Variants in TMEM132C observed in about 807,000 individuals in gnomAD.
The protein encoded by TMEM132C is transmembrane protein 132C, also known as protein phosphatase 1, regulatory subunit 152.
Under a neutral mutation model 61.4 loss-of-function variants are expected in TMEM132C, and 29 were observed. That is an observed-to-expected ratio of 0.47 (90% CI 0.35 to 0.64). The LOEUF is 0.64. Among genes scored for constraint, TMEM132C ranks in the 30% least tolerant of loss-of-function variants. TMEM132C has a pLI of 0.00. For missense variants in TMEM132C, 1,408 were observed against 1,476.9 expected, an observed-to-expected ratio of 0.95 and a Z score of 0.76; for synonymous variants, 656 against 633.1, an observed-to-expected ratio of 1.04 and a Z score of -0.54.
intron 1 of TMEM132C, among the ~76,000 whole-genome samples, chr12:128,346,421 G>A (rs1298098134): frequency 2.0e-5 from 3 of 152,112 alleles, no homozygotes; most frequent in Non-Finnish European, 4.4e-5. Flanking sequence ...TTTAAAAATA[G>A]ATTTTTCTAG....
chr12:128,677,566 G>C (rs1954601268), intron 5 of TMEM132C, among the ~76,000 whole-genome samples: 1 of 152,066 alleles, frequency 6.6e-6, no homozygotes, highest in South Asian at 2.1e-4. Context: ...GTACCTGGCT[G>C]TACCTCCTAT....
chr12:128,560,659 T>G (rs939393908), intron 3 of TMEM132C, among the ~76,000 whole-genome samples: 10 of 152,218 alleles, frequency 6.6e-5, no homozygotes, highest in African/African-American at 2.4e-4. Flanking sequence ...AGAATGCAGA[T>G]TTCACCATGG....
intron 1 of TMEM132C, among the ~76,000 whole-genome samples, chr12:128,385,579 T>G (rs945811911): frequency 3.9e-5 from 6 of 152,234 alleles, no homozygotes; most frequent in African/African-American, 1.4e-4. Flanking sequence ...GTGGGCTTTG[T>G]CTGCAGTATG....
At position 128,415,963 on chromosome 12, in the gene TMEM132C, G is replaced by A. The variant is rs1441654125; in HGVS notation, c.974+343G>A. 6.6e-6 allele frequency among the ~76,000 whole-genome samples: 1 copy of A among 152,152 alleles called. No individual in the cohort carries two copies. Among genetic ancestry groups the A allele is most frequent in the African/African-American group, 2.4e-5 (1 of 41,446 alleles). On this transcript the variant is annotated intron_variant, in intron 2 of 8. Coordinates refer to ENST00000435159, the MANE Select transcript of TMEM132C (RefSeq NM_001136103.3). The surrounding 1 kb of genome is among the most constrained non-coding windows in gnomAD (Gnocchi z 5.8). The stretch of plus-strand genomic sequence containing the variant: ...AATCCTTTGATGAGATACCATTTGA[G>A]TTGCTTGATTGAAAGTCTACGTTCA...
At chr12:128,392,078 C>G (rs1593036845) in intron 1 of TMEM132C, among the ~76,000 whole-genome samples, 1 of 151,802 alleles carries the variant, frequency 6.6e-6, no homozygotes, top group Admixed American at 6.6e-5. Flanking sequence ...CTCTCTCTCT[C>G]TCTCTCTCTC....
chr12:128,369,195 G>A (rs1873957445), intron 1 of TMEM132C, among the ~76,000 whole-genome samples: 1 of 152,152 alleles, frequency 6.6e-6, no homozygotes, highest in Non-Finnish European at 1.5e-5. Context: ...TCCAGACACT[G>A]TCTTAAGCAC....
chr12:128,414,615 T>C (rs1868688329), intron 1 of TMEM132C, 117 bp from the exon 2 acceptor site: 4 of 1,138,948 alleles, frequency 3.5e-6, no homozygotes, highest in Non-Finnish European at 4.8e-6. Flanking sequence ...TCTAGCCAAG[T>C]GGGCTTCAGA....
chr12:128,295,638 C>CAAAAAAAAAA (rs59555369), intron 1 of TMEM132C, among the ~76,000 whole-genome samples: 1 of 116,014 alleles, frequency 8.6e-6, no homozygotes, highest in African/African-American at 3.3e-5. Flanking sequence ...TTAAGTCCTT[C>CAAAAAAAAAA]AAAAAAAAAA....
Position 128,678,354 on chromosome 12 carries a change from G to A in TMEM132C, c.1449+8794G>A, listed in dbSNP as rs55783047. Among the ~76,000 whole-genome samples, 440 of 152,326 alleles carry A rather than the reference G, an allele frequency of 2.9e-3. 2 individuals are homozygous for A. The highest frequency in any genetic ancestry group is 3.3e-3 in the Non-Finnish European group (226 of 68,030). ...CCTTTGTGGACTTGGGGTCCCTGCT[G>A]TAAAGCAAGGACGCTCATTCCTTGA... is the stretch of plus-strand genomic sequence containing the variant. On this transcript the variant is annotated intron_variant, in intron 5 of 8. Transcript: ENST00000435159.
intron 1 of TMEM132C, among the ~76,000 whole-genome samples, chr12:128,381,620 C>T (rs903598697): frequency 1.5e-4 from 23 of 152,258 alleles, no homozygotes; most frequent in African/African-American, 4.3e-4. Flanking sequence ...GGGTCTCCTG[C>T]GGGAATCGCT....
intron 4 of TMEM132C, among the ~76,000 whole-genome samples, chr12:128,645,437 A>G (rs1367146299): frequency 6.6e-6 from 1 of 152,120 alleles, no homozygotes; most frequent in Non-Finnish European, 1.5e-5. Flanking sequence ...CTGACCGCCA[A>G]TTCTGTGGGG....
At chr12:128,487,101 C>G (rs1871524938) in intron 2 of TMEM132C, among the ~76,000 whole-genome samples, 1 of 152,140 alleles carries the variant, frequency 6.6e-6, no homozygotes. Context: ...AGCCACCGAC[C>G]AAGGGACTTT....
intron 3 of TMEM132C, among the ~76,000 whole-genome samples, chr12:128,610,367 C>A (rs1319776890): frequency 2.0e-5 from 3 of 152,150 alleles, no homozygotes. Context: ...TTTAACTCAC[C>A]CCCAGACTCA....
At chr12:128,434,080 C>T (rs969049978) in intron 2 of TMEM132C, among the ~76,000 whole-genome samples, 1 of 152,212 alleles carries the variant, frequency 6.6e-6, no homozygotes, top group Non-Finnish European at 1.5e-5. Flanking sequence ...TGCCACCACT[C>T]GCCTCCAGCC....
intron 1 of TMEM132C, among the ~76,000 whole-genome samples, chr12:128,274,673 A>G (rs1023534200): frequency 6.6e-6 from 1 of 152,136 alleles, no homozygotes; most frequent in Non-Finnish European, 1.5e-5. Context: ...AACAGGAACC[A>G]TTTTACTTAT....
intron 1 of TMEM132C, among the ~76,000 whole-genome samples, chr12:128,320,820 A>G (rs1343250686): frequency 6.6e-6 from 1 of 151,782 alleles, no homozygotes; most frequent in Non-Finnish European, 1.5e-5. Context: ...TACAAAAAAA[A>G]AAAGAAAGAA....
intron 1 of TMEM132C, among the ~76,000 whole-genome samples, chr12:128,334,978 A>G (rs1237079564): frequency 6.6e-6 from 1 of 152,238 alleles, no homozygotes; most frequent in Non-Finnish European, 1.5e-5. Context: ...CAGTGCACTC[A>G]TACTTTATTA....
At chr12:128,356,743 G>A (rs1873518969) in intron 1 of TMEM132C, among the ~76,000 whole-genome samples, 1 of 152,248 alleles carries the variant, frequency 6.6e-6, no homozygotes, top group African/African-American at 2.4e-5. Context: ...AATGAACCGT[G>A]TATTAATGTT....
At chr12:128,298,282 G>C (rs563967909) in intron 1 of TMEM132C, among the ~76,000 whole-genome samples, 1 of 152,102 alleles carries the variant, frequency 6.6e-6, no homozygotes, top group East Asian at 1.9e-4. Context: ...AGGTTCTCCC[G>C]CCCTCTCCTC....
Sources: gnomAD v4.1 joint callset for allele counts (sites outside exome capture counted in the v4.1 genomes callset) on GRCh38, gnomAD v4.1.1 for gene constraint, Gnocchi (gnomAD v3.1) non-coding constraint, MANE v1.5 for transcripts, NCBI Gene and HGNC (gene_info 2026-07-23, HGNC 2026-07-21) for gene names.